ANKRD26: variants seen among roughly 807,000 people sequenced by gnomAD.
The protein encoded by ANKRD26 is ankyrin repeat domain-containing protein 26.
A neutral mutation model predicts 208.7 loss-of-function variants in ANKRD26; 141 were observed. The observed-to-expected ratio is 0.68, with a 90% CI of 0.59 to 0.78. The LOEUF is 0.78. Among genes scored for constraint, ANKRD26 ranks in the 30% least tolerant of loss-of-function variants. The pLI is 0.00. For missense variants in ANKRD26, 1,889 were observed against 1,938.7 expected, an observed-to-expected ratio of 0.97 and a Z score of 0.48; for synonymous variants, 636 against 660.4, an observed-to-expected ratio of 0.96 and a Z score of 0.57.
At chr10:27,010,776 G>C (rs1409448158) in intron 32 of ANKRD26, among the ~76,000 whole-genome samples, 2 of 152,044 alleles carry the variant, frequency 1.3e-5, no homozygotes, top group Non-Finnish European at 2.9e-5. Flanking sequence ...CCAAAGTGTT[G>C]GGATTATAGG....
At chr10:26,998,750 C>T (rs1457694161) in intron 4 of ANKRD26, among the ~76,000 whole-genome samples, 1 of 152,192 alleles carries the variant, frequency 6.6e-6, no homozygotes, top group East Asian at 1.9e-4. Context: ...CCCCTTTTCC[C>T]ATCTTCCAGA....
intron 32 of ANKRD26, among the ~76,000 whole-genome samples, chr10:27,011,070 C>A (rs2053086661): frequency 6.6e-6 from 1 of 152,080 alleles, no homozygotes; most frequent in Admixed American, 6.6e-5. Context: ...GGACATGAGG[C>A]CTGGTAAAGA....
intron 4 of ANKRD26, among the ~76,000 whole-genome samples, chr10:26,982,117 C>T (rs1198324348): frequency 6.6e-6 from 1 of 152,156 alleles, no homozygotes; most frequent in Non-Finnish European, 1.5e-5. Flanking sequence ...GTGTTTGTCT[C>T]AGGTGAGCAG....
chr10:27,086,572 T>C lies in ANKRD26; in HGVS notation c.676A>G (p.Ile226Val). The change falls in exon 5 of 34, where the codon ATA (isoleucine) becomes GTA (valine). Residue 226 changes from isoleucine to valine, a missense_variant. By Grantham distance (29) the Ile-to-Val change is conservative. Around this residue, in one of 3 missense-constraint regions of ANKRD26, gnomAD observed 1,272 missense variants for 1,273.8 expected, o/e 1.00. Coordinates refer to ENST00000376087, the MANE Select transcript of ANKRD26 (RefSeq NM_014915.3). ...CTATTTTGAGAAGAATGTTTAGGTA[T>C]CCTTTCTTCTTTATATTCTGAAATT... is the stretch of plus-strand genomic sequence containing the variant. Reference protein sequence around the residue: ...QLISEYKEERIPKHSSQNSNS... With the variant: ...QLISEYKEERVPKHSSQNSNS... 1.9e-6 allele frequency: 3 copies of C among 1,605,586 alleles called. No individual in the cohort carries two copies. The highest frequency in any genetic ancestry group is 1.7e-6 in the Non-Finnish European group (2 of 1,174,782).
intron 24 of ANKRD26, among the ~76,000 whole-genome samples, chr10:27,034,039 C>G (rs184919908): frequency 6.6e-6 from 1 of 152,254 alleles, no homozygotes; most frequent in Admixed American, 6.5e-5. Context: ...AAGTTATACC[C>G]AAATGATAGT....
Position 27,005,658 on chromosome 10 carries a change from T to A in ANKRD26, c.5065A>T (p.Asn1689Tyr). 1.2e-6 allele frequency: 2 copies of A among 1,613,216 alleles called. No individual in the cohort carries two copies. The highest frequency in any genetic ancestry group is 1.7e-6 in the Non-Finnish European group (2 of 1,179,534). Residue 1689 changes from asparagine (N) to tyrosine (Y), a missense_variant, in exon 34 of 34, where the codon AAT (asparagine) becomes TAT (tyrosine). By Grantham distance (143) the Asn-to-Tyr change is moderately radical (BLOSUM62 -2). Around this residue, in one of 3 missense-constraint regions of ANKRD26, gnomAD observed 613 missense variants for 648.2 expected, o/e 0.95. Coordinates refer to ENST00000376087, the MANE Select transcript of ANKRD26 (RefSeq NM_014915.3). ...PLGSTDESNL[N>Y]QDLVWKASRE... The stretch of plus-strand genomic sequence containing the variant: ...GATGCTTTCCAAACTAGATCTTGAT[T>A]TAGATTTGACTCATCAGTAGACCCT...
In ANKRD26 at chr10:27,044,167, T is replaced by A; in HGVS notation, c.2009A>T (p.Glu670Val). Residue 670 changes from glutamate to valine, a missense_variant, in exon 19 of 34, where the codon GAA (glutamate) becomes GTA (valine). By Grantham distance (121) the Glu-to-Val change is moderately radical. Coordinates refer to ENST00000376087, the MANE Select transcript of ANKRD26 (RefSeq NM_014915.3). ...EGRPTKKTSN[E>V]KNKVKNQIQS... The stretch of plus-strand genomic sequence containing the variant: ...TATTTTTTACAGTACCTTGTTCTTT[T>A]CATTAGATGTTTTCTTAGTAGGCCT... 7 of 1,420,032 alleles carry A rather than the reference T, an allele frequency of 4.9e-6. No homozygotes were observed. Among genetic ancestry groups the A allele is most frequent in the Non-Finnish European group, 6.7e-6 (7 of 1,040,046 alleles). 88.0% of individuals were successfully genotyped at this position (1,420,032 alleles called of 1,614,324 possible).
chr10:27,013,211 A>C, intron 31 of ANKRD26, 101 bp from the exon 32 acceptor site: 1 of 987,104 alleles, frequency 1.0e-6, no homozygotes, highest in Non-Finnish European at 1.6e-6. Context: ...GAGTAAATGA[A>C]ATTTCCCATT....
At position 27,007,555 on chromosome 10, in the gene ANKRD26, C is replaced by T. The variant is rs1314802280; in HGVS notation, c.4954-593G>A. 2.0e-5 allele frequency among the ~76,000 whole-genome samples: 3 copies of T among 152,240 alleles called. No individual in the cohort carries two copies. The South Asian group carries it at 6.2e-4, about 32-fold the overall frequency. The stretch of plus-strand genomic sequence containing the variant: ...CCTCTAGTCCCAGCTACTTGGGAGG[C>T]GGAGGCAGGAGAATTGCTTGAACAC... On this transcript the variant is annotated intron_variant, in intron 32 of 33. Transcript: ENST00000376087.
chr10:27,022,863 T>C (rs2053535896), intron 28 of ANKRD26, among the ~76,000 whole-genome samples, 176 bp from the exon 29 acceptor site: 2 of 152,198 alleles, frequency 1.3e-5, no homozygotes, highest in South Asian at 2.1e-4. Context: ...CTTAGGTAAA[T>C]AATGTGAAGA....
intron 10 of ANKRD26, 101 bp downstream of exon 10, chr10:27,067,056 C>T (rs2055277680): frequency 7.2e-7 from 1 of 1,390,570 alleles, no homozygotes; most frequent in Non-Finnish European, 1.0e-6. Flanking sequence ...ATCCACCTGC[C>T]TCAGCCTCCC....
At chr10:26,959,405 T>C in the ANKRD26 span, among the ~76,000 whole-genome samples, 2 of 152,040 alleles carry the variant, frequency 1.3e-5, no homozygotes, top group African/African-American at 4.8e-5. Context: ...AGAAAAGCCA[T>C]GTGAACCCAG....
chr10:27,049,016 C>T (rs1454835590), intron 16 of ANKRD26, 37 bp from the exon 17 acceptor site: 14 of 1,486,278 alleles, frequency 9.4e-6, no homozygotes, highest in Middle Eastern at 1.8e-4. Context: ...ATTGCTATTA[C>T]TTTATTCAAT....
downstream of ANKRD26, among the ~76,000 whole-genome samples, chr10:27,001,835 T>G (rs968784192): frequency 6.6e-6 from 1 of 152,204 alleles, no homozygotes; most frequent in Non-Finnish European, 1.5e-5. Context: ...AGGCTGCTCC[T>G]TGTTAGAAAA....
At chr10:27,015,029 TAAA>T in intron 30 of ANKRD26, among the ~76,000 whole-genome samples, 1 of 151,878 alleles carries the variant, frequency 6.6e-6, no homozygotes, top group Admixed American at 6.6e-5. Context: ...ATATAGAAAA[TAAA>T]AAATTATAAT....
chr10:27,015,765 A>C (rs1564356858), intron 30 of ANKRD26, among the ~76,000 whole-genome samples: 1 of 152,080 alleles, frequency 6.6e-6, no homozygotes, highest in Non-Finnish European at 1.5e-5. Flanking sequence ...CATCCTTTCC[A>C]CCAGTTTGCA....
chr10:27,034,833 CTTTCT>C lies in ANKRD26; in HGVS notation c.3612_3616del (p.Glu1205ThrfsTer5), dbSNP rs748473728. 5.0e-6 allele frequency: 8 copies of C among 1,610,012 alleles called. No individual in the cohort carries two copies. The Admixed American group carries it at 8.4e-5, about 17-fold the overall frequency. On this transcript the variant is annotated frameshift_variant, in exon 24 of 34. Transcript: ENST00000376087. LOFTEE classifies it high-confidence loss of function. ...CTTTTCATTTTCATATTGATACTGT[CTTTCT>C]TTTAAGTGATTACATTCACTGATTA...
chr10:27,037,165 G>T, intron 23 of ANKRD26, 21 bp downstream of exon 23: 1 of 1,610,350 alleles, frequency 6.2e-7, no homozygotes, highest in South Asian at 1.1e-5. Flanking sequence ...ATTTGAAAAT[G>T]ACTAAAGGAA....
intron 30 of ANKRD26, among the ~76,000 whole-genome samples, chr10:27,015,254 G>C (rs1024995969): frequency 2.6e-5 from 4 of 152,160 alleles, no homozygotes; most frequent in Admixed American, 6.5e-5. Context: ...CAGGAACTTA[G>C]AGCTTCTTAG....
Sources: allele counts gnomAD v4.1 joint callset (sites outside exome capture counted in the v4.1 genomes callset), GRCh38; gene constraint gnomAD v4.1.1; regional missense constraint gnomAD v4.1.1; transcripts MANE v1.5; gene names NCBI Gene and HGNC (gene_info 2026-07-23, HGNC 2026-07-21).